The following DNMT1 variants were observed in gnomAD, a reference collection of about 807,000 sequenced individuals.
DNMT1 encodes the protein DNA methyltransferase 1.
A neutral mutation model predicts 205.3 loss-of-function variants in DNMT1; 24 were observed. The ratio of observed to expected loss-of-function variants is 0.12; its 90% confidence interval spans 0.08 to 0.16. DNMT1 has a LOEUF of 0.16. Among genes scored for constraint, DNMT1 ranks in the 10% least tolerant of loss-of-function variants. The probability of loss-of-function intolerance (pLI) is 1.00; values close to 1 mark genes in which losing one functional copy is unlikely to be tolerated. For missense variants in DNMT1, 1,293 were observed against 2,177.7 expected (o/e 0.59, Z 8.09); for synonymous variants, 817 against 839.8 (o/e 0.97, Z 0.47).
chr19:10,155,094 A>G (rs2038428846), intron 19 of DNMT1, 38 bp from the exon 20 acceptor site: 1 of 1,613,054 alleles, frequency 6.2e-7, no homozygotes, highest in South Asian at 1.1e-5. Flanking sequence ...AGGGGCTGGA[A>G]TCTGATGGCG....
chr19:10,142,486 A>G (rs2089620140), intron 29 of DNMT1, among the ~76,000 whole-genome samples: 1 of 147,672 alleles, frequency 6.8e-6, no homozygotes, highest in African/African-American at 2.5e-5. Flanking sequence ...CAGGGTAAAG[A>G]TCCCCCAAGT....
chr19:10,160,118 C>G, intron 14 of DNMT1, 55 bp from the exon 15 acceptor site: 2 of 1,605,978 alleles, frequency 1.2e-6, no homozygotes, highest in South Asian at 1.1e-5. Context: ...CAGAAAATAT[C>G]AAAATCGCCC....
chr19:10,175,480 T>G, intron 7 of DNMT1, 60 bp downstream of exon 7: 1 of 1,594,152 alleles, frequency 6.3e-7, no homozygotes, highest in Non-Finnish European at 8.6e-7. Context: ...ACATATGAAG[T>G]CACAATCATC....
chr19:10,138,415 G>C lies in DNMT1; in HGVS notation c.4115+24C>G. ...TACTGAGGCCTGCTCGGCAGTGTGTGGAGGAGCGACGGGGGCCACCTACCT... is the reference window on the plus strand; with the variant it reads ...TACTGAGGCCTGCTCGGCAGTGTGTCGAGGAGCGACGGGGGCCACCTACCT... On this transcript the variant is annotated intron_variant, in intron 35 of 40. Coordinates refer to ENST00000359526, the MANE Select transcript of DNMT1 (RefSeq NM_001130823.3). The surrounding 1 kb of genome is among the most constrained non-coding windows in gnomAD (Gnocchi z 4.1). 4 of 1,613,756 alleles carry C rather than the reference G, an allele frequency of 2.5e-6. No individual in the cohort carries two copies. The highest frequency in any genetic ancestry group is 3.4e-6 in the Non-Finnish European group (4 of 1,180,036).
chr19:10,166,631 C>A lies in DNMT1; in HGVS notation c.858G>T (p.Val286=), dbSNP rs1483440897. Residue 286 remains valine (V), a synonymous_variant, in exon 11 of 41, where the codon GTG becomes GTT. Transcript: ENST00000359526. ...EEPDREARAG[V]QADEDEDGDE... ...CTCCATCTTCGTCCTCGTCAGCCTG[C>A]ACGCCTGCCCTGGCTTCTCTGTCCG... The A allele has an allele frequency of 6.2e-7, 1 of 1,614,204 alleles. No homozygotes were observed. Among genetic ancestry groups the A allele is most frequent in the South Asian group, 1.1e-5 (1 of 91,088 alleles).
In DNMT1 at chr19:10,160,664, G is replaced by T. The variant is rs114872745; in HGVS notation, c.1009-246C>A. Among the ~76,000 whole-genome samples the T allele has an allele frequency of 5.9e-3, 891 of 152,230 alleles. 7 individuals carry two copies. Among genetic ancestry groups the T allele is most frequent in the African/African-American group, 0.021 (856 of 41,532 alleles). On this transcript the variant is annotated intron_variant, in intron 13 of 40. Coordinates refer to ENST00000359526, the MANE Select transcript of DNMT1 (RefSeq NM_001130823.3). Reference sequence around the variant, plus strand: ...AATCCCAGCACTTTGGGAGGCCAAGGCACACAGATGACTGGAGGTCAGGAG... The same window carrying T: ...AATCCCAGCACTTTGGGAGGCCAAGTCACACAGATGACTGGAGGTCAGGAG...
rs201945078 is a variant in DNMT1, at chr19:10,160,043, C to T, written c.1064G>A (p.Arg355His). ...PKEPTEKKMARAKTVMNSKTH... is the reference protein window; with the variant it reads ...PKEPTEKKMAHAKTVMNSKTH... ...CTTGGAGTTCATGACTGTTTTGGCG[C>T]GAGCCATTTTTTTCTCCGTTCTGGG... The change falls in exon 15 of 41, where the codon CGC becomes CAC. Residue 355 changes from arginine (R) to histidine (H), a missense_variant. This residue lies in a region of DNMT1 where 394 missense variants were observed against 451.6 expected (regional missense o/e 0.87). Transcript: ENST00000359526. The T allele has an allele frequency of 3.8e-5, 61 of 1,605,396 alleles. No homozygotes were observed. Among genetic ancestry groups the T allele is most frequent in the Admixed American group, 1.4e-4 (8 of 58,890 alleles).
chr19:10,182,823 C>T (rs1041791330), intron 1 of DNMT1, among the ~76,000 whole-genome samples: 1 of 151,084 alleles, frequency 6.6e-6, no homozygotes, highest in Non-Finnish European at 1.5e-5. Context: ...GTGCCACCAG[C>T]CTCGTTAATT....
chr19:10,156,261 C>T lies in DNMT1; in HGVS notation c.1399+130G>A, dbSNP rs1447985023. 6 of 747,220 alleles carry T rather than the reference C, an allele frequency of 8.0e-6. No individual in the cohort carries two copies. The highest frequency in any genetic ancestry group is 7.2e-5 in the Admixed American group (4 of 55,542). The allele number at this position is 747,220 out of a possible 1,614,324, so 46.3% of individuals were successfully genotyped here. ...AGGCTCTTGCTATGTTGTCCAGGCT[C>T]GTCTCAAACTCCCGGGCTCAAGTGA... On this transcript the variant is annotated intron_variant, in intron 18 of 40. Transcript: ENST00000359526. The surrounding 1 kb of genome is among the most constrained non-coding windows in gnomAD (Gnocchi z 4.2).
At chr19:10,168,250 C>A in intron 10 of DNMT1, 80 bp downstream of exon 10, 1 of 1,556,874 alleles carries the variant, frequency 6.4e-7, no homozygotes, top group Non-Finnish European at 8.9e-7. Flanking sequence ...TGTTCCACAC[C>A]AACCCGTTAT....
At position 10,146,254 on chromosome 19, in the gene DNMT1, G is replaced by T; in HGVS notation, c.2894+97C>A. 1 of 1,449,098 alleles carries T rather than the reference G, an allele frequency of 6.9e-7. No homozygotes were observed. Among genetic ancestry groups the T allele is most frequent in the Non-Finnish European group, 9.5e-7 (1 of 1,055,890 alleles). 89.8% of individuals were successfully genotyped at this position (1,449,098 alleles called of 1,614,324 possible). ...GACGGCTAGGACAACAGCTGGTGCGGAGGGATTGGCAATGTCTGTAAGGAG... is the reference window on the plus strand; with the variant it reads ...GACGGCTAGGACAACAGCTGGTGCGTAGGGATTGGCAATGTCTGTAAGGAG... On this transcript the variant is annotated intron_variant, in intron 28 of 40. Coordinates refer to ENST00000359526, the MANE Select transcript of DNMT1 (RefSeq NM_001130823.3). The surrounding 1 kb of genome is among the most constrained non-coding windows in gnomAD (Gnocchi z 4.4).
rs538411118 is a variant in DNMT1, at chr19:10,160,219, C to T, written c.1044-156G>A. The T allele has an allele frequency of 7.7e-5, 116 of 1,509,646 alleles. 3 individuals carry two copies. The highest frequency in any genetic ancestry group is 6.9e-4 in the South Asian group (60 of 86,562). The allele number at this position is 1,509,646 out of a possible 1,614,324, so 93.5% of individuals were successfully genotyped here. On this transcript the variant is annotated intron_variant, in intron 14 of 40. Transcript: ENST00000359526. ...GCGCGTGGTCACAGTGGCTCTTCAC[C>T]GCAGGGGCATCCTGCCTGACGCACC...
Position 10,182,065 on chromosome 19 carries a change from C to T in DNMT1, c.93G>A (p.Leu31=). The part of the protein sequence containing the change: ...PDDVRRRLKD[L]ERDSLTEKEC... Reference sequence around the variant, plus strand: ...CCTTTTCTGTTAAGCTGTCTCTTTCCAAATCTTTGAGCCTGGGAGGAAGAA... The same window carrying T: ...CCTTTTCTGTTAAGCTGTCTCTTTCTAAATCTTTGAGCCTGGGAGGAAGAA... The change falls in exon 2 of 41, where the codon TTG becomes TTA. Residue 31 remains leucine, a synonymous_variant. Coordinates refer to ENST00000359526, the MANE Select transcript of DNMT1 (RefSeq NM_001130823.3). The T allele has an allele frequency of 6.2e-7, 1 of 1,611,504 alleles. No individual in the cohort carries two copies. The highest frequency in any genetic ancestry group is 8.5e-7 in the Non-Finnish European group (1 of 1,178,460).
chr19:10,141,202 G>C lies in DNMT1; in HGVS notation c.3310-13C>G. 1 of 1,613,588 alleles carries C rather than the reference G, an allele frequency of 6.2e-7. No homozygotes were observed. The highest frequency in any genetic ancestry group is 8.5e-7 in the Non-Finnish European group (1 of 1,179,756). On this transcript the variant is annotated splice_polypyrimidine_tract_variant and intron_variant, in intron 30 of 40. Coordinates refer to ENST00000359526, the MANE Select transcript of DNMT1 (RefSeq NM_001130823.3). ...TTGCATTATAGGCCTGAAAAGGAGA[G>C]AACTGCAATCGTTTGGGAGAGAAAC... is the stretch of plus-strand genomic sequence containing the variant.
chr19:10,133,649 G>A lies in DNMT1; in HGVS notation c.*18C>T, dbSNP rs778467461. The A allele has an allele frequency of 9.4e-6, 15 of 1,596,574 alleles. No homozygotes were observed. The East Asian group carries it at 3.4e-4, about 36-fold the overall frequency. On this transcript the variant is annotated 3_prime_UTR_variant, in exon 41 of 41. Coordinates refer to ENST00000359526, the MANE Select transcript of DNMT1 (RefSeq NM_001130823.3). The surrounding 1 kb of genome is among the most constrained non-coding windows in gnomAD (Gnocchi z 4.1). Reference sequence around the variant, plus strand: ...GGGGATTCCTGGTGCCAGAAACAGGGGTGACGGGAGGGCAGAACTAGTCCT... The same window carrying A: ...GGGGATTCCTGGTGCCAGAAACAGGAGTGACGGGAGGGCAGAACTAGTCCT...
In DNMT1 at chr19:10,173,915, G is replaced by A; in HGVS notation, c.649-10C>T. ...TACGTCTCTTCTCATCCTGTGTGGA[G>A]GGAAGGAAGAACAAAAAAGATTAGA... is the stretch of plus-strand genomic sequence containing the variant. On this transcript the variant is annotated splice_polypyrimidine_tract_variant and intron_variant, in intron 7 of 40. Transcript: ENST00000359526. The A allele has an allele frequency of 6.2e-7, 1 of 1,613,764 alleles. No individual in the cohort carries two copies. Among genetic ancestry groups the A allele is most frequent in the Non-Finnish European group, 8.5e-7 (1 of 1,179,722 alleles).
At chr19:10,161,218 T>A (rs62106241) in intron 13 of DNMT1, among the ~76,000 whole-genome samples, 19,440 of 152,160 alleles carry the variant, frequency 0.13, 1,382 homozygotes, top group Middle Eastern at 0.24. Context: ...GGCAGGAGAA[T>A]AGCTTGAACC....
intron 37 of DNMT1, 39 bp from the exon 38 acceptor site, chr19:10,136,326 TG>T: frequency 6.2e-7 from 1 of 1,611,150 alleles, no homozygotes; most frequent in Non-Finnish European, 8.5e-7. Flanking sequence ...AGTTGTGGGA[TG>T]GGGTATAGGC....
rs536181079 is a variant in DNMT1, at chr19:10,194,533, C to T, written c.80+287G>A. ...GAAGAAGGGGACCCCGGAAACGAACCCAAAGCTTGCTGTATTTGGGGATCA... is the reference window on the plus strand; with the variant it reads ...GAAGAAGGGGACCCCGGAAACGAACTCAAAGCTTGCTGTATTTGGGGATCA... On this transcript the variant is annotated intron_variant, in intron 1 of 40. Transcript: ENST00000359526. 6 of 337,332 alleles carry T rather than the reference C, an allele frequency of 1.8e-5. No individual in the cohort carries two copies. The East Asian group carries it at 3.1e-4, about 17-fold the overall frequency. 20.9% of individuals were successfully genotyped at this position (337,332 alleles called of 1,614,324 possible). A position where few individuals can be genotyped will look rare whatever the true frequency, so the allele number is the denominator to read the frequency against.
Sources: gnomAD v4.1 joint callset for allele counts (sites outside exome capture counted in the v4.1 genomes callset) on GRCh38, gnomAD v4.1.1 for gene constraint, gnomAD v4.1.1 regional missense constraint, Gnocchi (gnomAD v3.1) non-coding constraint, MANE v1.5 for transcripts, NCBI Gene and HGNC (gene_info 2026-07-23, HGNC 2026-07-21) for gene names.